Variants in EPHA1 observed in about 807,000 individuals in gnomAD.
The protein encoded by EPHA1 is EPH receptor A1, also known as ephrin type-A receptor 1.
EPHA1 carries 92 observed loss-of-function variants against 110.1 expected under a neutral mutation model. The ratio of observed to expected loss-of-function variants is 0.84; its 90% CI spans 0.71 to 0.99. The LOEUF (loss-of-function observed/expected upper bound fraction) is 0.99, where lower values mean the gene tolerates loss of function less well. Among genes scored for constraint, EPHA1 ranks in the 50% least tolerant of loss-of-function variants. The pLI is 0.00. For synonymous variants in EPHA1, 500 were observed against 516.1 expected (o/e 0.97, Z 0.42); for missense variants, 1,204 against 1,285.4 (o/e 0.94, Z 0.97).
intron 10 of EPHA1, 135 bp downstream of exon 10, chr7:143,397,169 C>T: frequency 9.3e-7 from 1 of 1,074,162 alleles, no homozygotes; most frequent in South Asian, 1.7e-5. Context: ...ACAACAAACC[C>T]CACATGTGCC....
Position 143,397,292 on chromosome 7 carries a change from C to A in EPHA1, c.1771+12G>T. The stretch of plus-strand genomic sequence containing the variant: ...ACGCATGTGGGGACACACGCAGGTG[C>A]ACCCGACTCACCTCGATCCACATCG... On this transcript the variant is annotated intron_variant, in intron 10 of 17. Transcript: ENST00000275815. The A allele has an allele frequency of 6.5e-7, 1 of 1,547,226 alleles. No individual in the cohort carries two copies. Among genetic ancestry groups the A allele is most frequent in the Non-Finnish European group, 8.7e-7 (1 of 1,145,748 alleles).
In EPHA1 at chr7:143,399,979, C is replaced by A. The variant is rs1805374686; in HGVS notation, c.507G>T (p.Glu169Asp). ...LVSGSVKLNV[E>D]RCSLGRLTRR... The stretch of plus-strand genomic sequence containing the variant: ...GGGTCAGGCGGCCCAGAGAGCAGCG[C>A]TCCACATTCAGCTTCACGGAGCCAG... Residue 169 changes from glutamate to aspartate, a missense_variant, in exon 4 of 18, where the codon GAG becomes GAT. Coordinates refer to ENST00000275815, the MANE Select transcript of EPHA1 (RefSeq NM_005232.5). 6.2e-7 allele frequency: 1 copy of A among 1,613,898 alleles called. No homozygotes were observed. Among genetic ancestry groups the A allele is most frequent in the Admixed American group, 1.7e-5 (1 of 60,010 alleles).
intron 10 of EPHA1, 35 bp downstream of exon 10, chr7:143,397,269 G>A (rs537746418): frequency 4.8e-5 from 74 of 1,539,706 alleles, no homozygotes; most frequent in East Asian, 3.2e-4. Flanking sequence ...GTGTGCACAC[G>A]CATGTGGGGA....
In EPHA1 at chr7:143,405,189, G is replaced by A. The variant is rs146810304; in HGVS notation, c.150+2422C>T. On this transcript the variant is annotated intron_variant, in intron 2 of 17. Transcript: ENST00000275815. ...AAGCCCAAGTGGAAGGCACTGGCGG[G>A]GGTCAGGTGGGCAGGGTGGTGAGTG... Among the ~76,000 whole-genome samples, 712 of 152,152 alleles carry A rather than the reference G, an allele frequency of 4.7e-3. 7 individuals carry two copies. The highest frequency in any genetic ancestry group is 0.016 in the African/African-American group (685 of 41,518).
Position 143,396,417 on chromosome 7 carries a change from G to T in EPHA1, c.1865C>A (p.Ala622Glu), listed in dbSNP as rs200499248. The change falls in exon 11 of 18, where the codon GCG becomes GAG. Residue 622 changes from alanine to glutamate, a missense_variant. Transcript: ENST00000275815. ...TATGACAGTGTCCACCATCAGCCAC[G>T]CTGGATCAAGCTCCCGGGTAAAGTC... ...ALDFTRELDP[A>E]WLMVDTVIGE... is the part of the protein sequence containing the mutation. The T allele has an allele frequency of 2.0e-5, 32 of 1,613,244 alleles. No homozygotes were observed. Among genetic ancestry groups the T allele is most frequent in the African/African-American group, 6.7e-5 (5 of 74,904 alleles).
chr7:143,398,558 T>C (rs1234267110), intron 6 of EPHA1, 43 bp downstream of exon 6: 4 of 1,606,882 alleles, frequency 2.5e-6, no homozygotes, highest in Non-Finnish European at 3.4e-6. Flanking sequence ...TAAGCCCTTC[T>C]GTCTCCACCA....
In EPHA1 at chr7:143,398,656, C is replaced by A; in HGVS notation, c.1281G>T (p.Gly427=). The change falls in exon 6 of 18, where the codon GGG becomes GGT. Residue 427 remains glycine (G), a synonymous_variant. Coordinates refer to ENST00000275815, the MANE Select transcript of EPHA1 (RefSeq NM_005232.5). ...FNVEAQNGVS[G]LGSSGHASTS... ...TGCTGGCATGGCCAGAGCTGCCCAGCCCTGACACTCCATTTTGGGCTTCCA... is the reference window on the plus strand; with the variant it reads ...TGCTGGCATGGCCAGAGCTGCCCAGACCTGACACTCCATTTTGGGCTTCCA... 6.2e-7 allele frequency: 1 copy of A among 1,614,114 alleles called. No homozygotes were observed. Among genetic ancestry groups the A allele is most frequent in the Non-Finnish European group, 8.5e-7 (1 of 1,179,998 alleles).
At chr7:143,405,238 G>C (rs1805515845) in intron 2 of EPHA1, among the ~76,000 whole-genome samples, 1 of 152,178 alleles carries the variant, frequency 6.6e-6, no homozygotes, top group African/African-American at 2.4e-5. Context: ...TCATTAGCCA[G>C]ATTGCCGTGG....
rs760710752 is a variant in EPHA1, at chr7:143,394,985, C to T, written c.2175G>A (p.Gln725=). The part of the protein sequence containing the change: ...REREDQLVPG[Q]LVAMLQGIAS... ...CTATGCCCTGCAGCATGGCCACTAGCTGCCCAGGGACCAGCTGGTCCTCCC... is the reference window on the plus strand; with the variant it reads ...CTATGCCCTGCAGCATGGCCACTAGTTGCCCAGGGACCAGCTGGTCCTCCC... Residue 725 remains glutamine (Q), a synonymous_variant, in exon 14 of 18, where the codon CAG becomes CAA. Coordinates refer to ENST00000275815, the MANE Select transcript of EPHA1 (RefSeq NM_005232.5). 5 of 1,614,134 alleles carry T rather than the reference C, an allele frequency of 3.1e-6. No homozygotes were observed. Among genetic ancestry groups the T allele is most frequent in the Non-Finnish European group, 4.2e-6 (5 of 1,180,026 alleles).
rs1441823997 is a variant in EPHA1 at position 143,399,911 on chromosome 7, A to C, written c.575T>G (p.Val192Gly). 1.9e-6 allele frequency: 3 copies of C among 1,612,824 alleles called. No homozygotes were observed. The highest frequency in any genetic ancestry group is 2.5e-6 in the Non-Finnish European group (3 of 1,179,406). Residue 192 changes from valine (V) to glycine (G), a missense_variant, in exon 4 of 18, where the codon GTG (valine) becomes GGG (glycine). Physicochemically the swap from Val to Gly is moderately radical, Grantham distance 109. Coordinates refer to ENST00000275815, the MANE Select transcript of EPHA1 (RefSeq NM_005232.5). ...YLAFHNPGAC[V>G]ALVSVRVFYQ... The stretch of plus-strand genomic sequence containing the variant: ...GAAGACCCGGACAGACACCAGGGCC[A>C]CACAGGCACCCGGGTTGTGGAAAGC...
In EPHA1 at chr7:143,397,885, G is replaced by A. The variant is rs374126260; in HGVS notation, c.1615+35C>T. On this transcript the variant is annotated intron_variant, in intron 8 of 17. Transcript: ENST00000275815. ...GAGTTGCCTCAGTGAGGCAACAGGT[G>A]TATGTGTGTTGGGGCAGAGCACAAG... is the stretch of plus-strand genomic sequence containing the variant. 3.7e-6 allele frequency: 6 copies of A among 1,610,560 alleles called. No homozygotes were observed. The African/African-American group carries it at 4.0e-5, about 11-fold the overall frequency.
chr7:143,402,854 G>A (rs1805458488), intron 2 of EPHA1, among the ~76,000 whole-genome samples: 1 of 152,070 alleles, frequency 6.6e-6, no homozygotes, highest in South Asian at 2.1e-4. Flanking sequence ...ATTGTGAAAA[G>A]TCAAAAAGTA....
Position 143,395,200 on chromosome 7 carries a change from A to G in EPHA1, c.2084-18T>C. 8 of 1,613,176 alleles carry G rather than the reference A, an allele frequency of 5.0e-6. No individual in the cohort carries two copies. The South Asian group carries it at 5.5e-5, about 11-fold the overall frequency. ...CGGCTTTCCTGAGACACAGACACAC[A>G]TATCACACTCAGAACCGGGCTTCCT... On this transcript the variant is annotated intron_variant, in intron 12 of 17. Transcript: ENST00000275815. This position sits in a 1 kb window ranked among gnomAD's most constrained non-coding sequence, Gnocchi z 4.7.
In EPHA1 at chr7:143,395,267, C is replaced by T. The variant is rs2116616249; in HGVS notation, c.2083+52G>A. The T allele has an allele frequency of 6.2e-7, 1 of 1,613,604 alleles. No individual in the cohort carries two copies. Among genetic ancestry groups the T allele is most frequent in the Non-Finnish European group, 8.5e-7 (1 of 1,179,852 alleles). On this transcript the variant is annotated intron_variant, in intron 12 of 17. Transcript: ENST00000275815. The surrounding 1 kb of genome is among the most constrained non-coding windows in gnomAD (Gnocchi z 4.7). ...CCTCCCTCCACTTCCAGTGGTTTCA[C>T]CCCTCTTTCCTGCATTTCCCGCCCC... is the stretch of plus-strand genomic sequence containing the variant.
Position 143,391,452 on chromosome 7 carries a change from A to C in EPHA1, c.*5T>G. 1 of 1,614,028 alleles carries C rather than the reference A, an allele frequency of 6.2e-7. No homozygotes were observed. The highest frequency in any genetic ancestry group is 2.2e-5 in the East Asian group (1 of 44,866). Reference sequence around the variant, plus strand: ...CCCTGATTGGGCATGGGGTGAGAGGAGGGATCAGTCCTTGAATCCCTGAAT... The same window carrying C: ...CCCTGATTGGGCATGGGGTGAGAGGCGGGATCAGTCCTTGAATCCCTGAAT... On this transcript the variant is annotated 3_prime_UTR_variant, in exon 18 of 18. Transcript: ENST00000275815.
At chr7:143,408,631 C>CT (rs1805624555) in intron 1 of EPHA1, 93 bp downstream of exon 1, 1 of 331,784 alleles carries the variant, frequency 3.0e-6, no homozygotes, top group African/African-American at 2.9e-5. Context: ...GAACATGGCC[C>CT]CTAGGAATGC....
rs749349744 is a variant in EPHA1 at position 143,395,450 on chromosome 7, T to G, written c.1952A>C (p.Lys651Thr). 1.2e-6 allele frequency: 2 copies of G among 1,614,210 alleles called. No individual in the cohort carries two copies. Among genetic ancestry groups the G allele is most frequent in the South Asian group, 2.2e-5 (2 of 91,086 alleles). ...TTTTAAGGTCTTAATGGCCACAGTC[T>G]TGCAGTCCTGGCTGGGGAGCCTCAG... ...GTLRLPSQDC[K>T]TVAIKTLKDT... is the part of the protein sequence containing the mutation. Residue 651 changes from lysine (K) to threonine (T), a missense_variant, in exon 12 of 18, where the codon AAG becomes ACG. Coordinates refer to ENST00000275815, the MANE Select transcript of EPHA1 (RefSeq NM_005232.5). The surrounding 1 kb of genome is among the most constrained non-coding windows in gnomAD (Gnocchi z 4.7).
Position 143,395,050 on chromosome 7 carries a change from C to T in EPHA1, c.2146-36G>A. 1 of 1,613,746 alleles carries T rather than the reference C, an allele frequency of 6.2e-7. No individual in the cohort carries two copies. Among genetic ancestry groups the T allele is most frequent in the Non-Finnish European group, 8.5e-7 (1 of 1,179,766 alleles). On this transcript the variant is annotated intron_variant, in intron 13 of 17. Transcript: ENST00000275815. The surrounding 1 kb of genome is among the most constrained non-coding windows in gnomAD (Gnocchi z 4.7). ...GTGAGTGGGTGAGTCAGGGGATGGG[C>T]CAGGTCTCCTCCCAGTGCCCAGGGT...
Position 143,395,077 on chromosome 7 carries a change from C to A in EPHA1, c.2145+44G>T. ...AGGTCTCCTCCCAGTGCCCAGGGTA[C>A]CATGGTGCATCCCCCTCCCCAGCTA... On this transcript the variant is annotated intron_variant, in intron 13 of 17. Transcript: ENST00000275815. This position sits in a 1 kb window ranked among gnomAD's most constrained non-coding sequence, Gnocchi z 4.7. 4.3e-6 allele frequency: 7 copies of A among 1,613,882 alleles called. No homozygotes were observed. Among genetic ancestry groups the A allele is most frequent in the Non-Finnish European group, 5.9e-6 (7 of 1,179,890 alleles).
Sources: gnomAD v4.1 joint callset for allele counts (sites outside exome capture counted in the v4.1 genomes callset) on GRCh38, gnomAD v4.1.1 for gene constraint, Gnocchi (gnomAD v3.1) non-coding constraint, MANE v1.5 for transcripts, NCBI Gene and HGNC (gene_info 2026-07-23, HGNC 2026-07-21) for gene names.